Variants in SORBS2 observed in about 807,000 individuals in gnomAD.
The protein encoded by SORBS2 is sorbin and SH3 domain containing 2, also known as sorbin and SH3 domain-containing protein 2.
SORBS2 carries 46 observed loss-of-function variants against 97.7 expected under a neutral mutation model. The observed-to-expected ratio is 0.47, with a 90% CI of 0.37 to 0.60. The LOEUF (loss-of-function observed/expected upper bound fraction) is 0.60. Ranked by LOEUF, SORBS2 falls within the 20% of genes least tolerant of loss-of-function variation. The pLI, the probability that SORBS2 is intolerant of heterozygous loss-of-function variation, is 0.00. For missense variants in SORBS2, 1,316 were observed against 1,282.3 expected, an observed-to-expected ratio of 1.03 and a Z score of -0.40; for synonymous variants, 476 against 473.4, an observed-to-expected ratio of 1.01 and a Z score of -0.07.
At chr4:185,645,892 AAG>A (rs2097199506) in intron 4 of SORBS2, 1 of 152,212 alleles carries the variant, frequency 6.6e-6, no homozygotes, top group African/African-American at 2.4e-5. Context: ...ATCAAAACCA[AAG>A]AAGGCCAAGG....
chr4:185,802,633 C>G (rs535310467), intron 1 of SORBS2, among the ~76,000 whole-genome samples: 1 of 152,166 alleles, frequency 6.6e-6, no homozygotes, highest in Non-Finnish European at 1.5e-5. Context: ...CTCATCATTG[C>G]CTGCTCAAGC....
At chr4:185,651,794 T>G (rs1306230428) in intron 2 of SORBS2, 2 of 1,507,910 alleles carry the variant, frequency 1.3e-6, no homozygotes, top group Non-Finnish European at 1.8e-6. Context: ...CTGCATTGTA[T>G]GTATAAGGAG....
intron 1 of SORBS2, among the ~76,000 whole-genome samples, chr4:185,858,207 C>A (rs558975240): frequency 9.9e-5 from 15 of 152,248 alleles, no homozygotes; most frequent in Admixed American, 5.9e-4. Flanking sequence ...TAGAAAAGAA[C>A]CTACGTTGAA....
At chr4:185,899,685 A>G (rs969080874) in intron 1 of SORBS2, among the ~76,000 whole-genome samples, 3 of 152,206 alleles carry the variant, frequency 2.0e-5, no homozygotes, top group African/African-American at 7.2e-5. Flanking sequence ...CAGAGTTGGA[A>G]AAATAAAGAG....
chr4:185,590,662 G>A (rs1184647650), intron 13 of SORBS2, among the ~76,000 whole-genome samples: 1 of 152,160 alleles, frequency 6.6e-6, no homozygotes, highest in Non-Finnish European at 1.5e-5. Context: ...AGCATATACT[G>A]TGGTGGAAAT....
chr4:185,786,474 A>T (rs1477104181), intron 1 of SORBS2, among the ~76,000 whole-genome samples: 1 of 152,228 alleles, frequency 6.6e-6, no homozygotes, highest in African/African-American at 2.4e-5. Context: ...CTAACTTAAC[A>T]TTGATTGACT....
chr4:185,626,834 T>G, exon 6 of SORBS2: 1 of 1,614,074 alleles, frequency 6.2e-7, no homozygotes, highest in Non-Finnish European at 8.5e-7. Context: ...ATGCTCACCT[T>G]TTGCTCTTGA....
intron 1 of SORBS2, among the ~76,000 whole-genome samples, chr4:185,827,989 CAT>C (rs1345589024): frequency 1.5e-4 from 6 of 41,020 alleles, no homozygotes; most frequent in African/African-American, 3.7e-4. Flanking sequence ...CCATCATCAT[CAT>C]CATCACCATC....
At chr4:185,624,138 C>A in exon 7 of SORBS2, 1 of 1,614,220 alleles carries the variant, frequency 6.2e-7, no homozygotes, top group Non-Finnish European at 8.5e-7. Flanking sequence ...ACCTCCGGGA[C>A]GTAGGGGGAC....
chr4:185,587,516 G>A (rs139388877), exon 15 of SORBS2: 6 of 861,404 alleles, frequency 7.0e-6, no homozygotes, highest in Non-Finnish European at 1.1e-5. Flanking sequence ...AGATGGTGAC[G>A]GCGCATTGGA....
At chr4:185,625,047 G>A (rs918024757) in intron 6 of SORBS2, among the ~76,000 whole-genome samples, 4 of 152,094 alleles carry the variant, frequency 2.6e-5, no homozygotes, top group Non-Finnish European at 4.4e-5. Context: ...AAAGCTATAA[G>A]GCAAAGTATT....
At chr4:185,867,686 A>C (rs2099227735) in intron 1 of SORBS2, among the ~76,000 whole-genome samples, 1 of 152,166 alleles carries the variant, frequency 6.6e-6, no homozygotes. Context: ...CCTGTCATGC[A>C]AAGGTCCTGA....
intron 12 of SORBS2, among the ~76,000 whole-genome samples, chr4:185,605,843 T>C (rs2096405782): frequency 6.6e-6 from 1 of 152,200 alleles, no homozygotes; most frequent in Non-Finnish European, 1.5e-5. Context: ...CCTCGGCCTC[T>C]GGAAGTGCTG....
intron 1 of SORBS2, among the ~76,000 whole-genome samples, chr4:185,890,726 C>T (rs895077804): frequency 1.3e-5 from 2 of 152,156 alleles, no homozygotes; most frequent in African/African-American, 4.8e-5. Flanking sequence ...GCTGTATGCA[C>T]TCAGGAGCAT....
In SORBS2 at chr4:185,949,754, T is replaced by C. The variant is rs534238801; in HGVS notation, c.-338+6442A>G. Among the ~76,000 whole-genome samples, 25 of 152,042 alleles carry C rather than the reference T, an allele frequency of 1.6e-4. 1 individual carries two copies. The South Asian group carries it at 4.2e-3, about 25-fold the overall frequency. ...GATGCAGGAGTCTAAACAAACACAG[T>C]GTGAAATTCAAAGAAAATGCTGAAT... On this transcript the variant is annotated intron_variant, in intron 1 of 20. Transcript: ENST00000284776.
chr4:185,820,353 G>A (rs145855094), intron 1 of SORBS2, among the ~76,000 whole-genome samples: 1 of 152,164 alleles, frequency 6.6e-6, no homozygotes, highest in African/African-American at 2.4e-5. Context: ...TTTCCTTCCC[G>A]GCTGATGTCC....
intron 8 of SORBS2, among the ~76,000 whole-genome samples, chr4:185,619,805 G>GCAT (rs1304068779): frequency 1.3e-5 from 2 of 152,164 alleles, no homozygotes; most frequent in Non-Finnish European, 2.9e-5. Flanking sequence ...AAGTTCATGG[G>GCAT]CATCAGGTCA....
intron 1 of SORBS2, among the ~76,000 whole-genome samples, chr4:185,916,073 A>C (rs148320013): frequency 1.6e-4 from 24 of 152,296 alleles, no homozygotes; most frequent in African/African-American, 4.6e-4. Context: ...AGATCACAAT[A>C]GGGTCAAGTG....
In SORBS2 at chr4:185,678,418, G is replaced by T; in HGVS notation, c.-46+5C>A. 1 of 1,549,016 alleles carries T rather than the reference G, an allele frequency of 6.5e-7. No homozygotes were observed. The highest frequency in any genetic ancestry group is 8.7e-7 in the Non-Finnish European group (1 of 1,145,954). On this transcript the variant is annotated splice_donor_5th_base_variant and intron_variant, in intron 4 of 20. Transcript: ENST00000284776. ...AATGCAGTAGCCAAGAGTGTGCAGG[G>T]TTACCTGAGTTGGTGATCTTTTATC...
Sources: allele counts gnomAD v4.1 joint callset (sites outside exome capture counted in the v4.1 genomes callset), GRCh38; gene constraint gnomAD v4.1.1; transcripts MANE v1.5; gene names NCBI Gene and HGNC (gene_info 2026-07-23, HGNC 2026-07-21).